Variants in RPL12 observed in about 807,000 individuals in gnomAD.
The protein encoded by RPL12 is large ribosomal subunit protein uL11.
In RPL12, 10 loss-of-function variants were observed where a neutral mutation model predicts 24.5. The observed-to-expected ratio is 0.41, with a 90% CI of 0.25 to 0.69. RPL12 has a LOEUF of 0.69. Ranked by LOEUF, RPL12 falls within the 30% of genes least tolerant of loss-of-function variation. The probability of loss-of-function intolerance (pLI) is 0.33; values close to 1 mark genes in which losing one functional copy is unlikely to be tolerated. For missense variants in RPL12, 137 were observed against 205.3 expected (o/e 0.67, Z 2.03); for synonymous variants, 74 against 76.1 (o/e 0.97, Z 0.14).
Position 127,449,365 on chromosome 9 carries a change from G to T in RPL12, c.211-3C>A, listed in dbSNP as rs1183950151. On this transcript the variant is annotated splice_region_variant and splice_polypyrimidine_tract_variant and intron_variant, in intron 3 of 6. Coordinates refer to ENST00000361436, the MANE Select transcript of RPL12 (RefSeq NM_000976.4). ...GAGGCAGAAGGCACCACCTCAATCT[G>T]CAGAAGAGATTCCTGAGTGAATACT... is the stretch of plus-strand genomic sequence containing the variant. 6.2e-7 allele frequency: 1 copy of T among 1,607,022 alleles called. No homozygotes were observed. Among genetic ancestry groups the T allele is most frequent in the Admixed American group, 1.7e-5 (1 of 59,984 alleles).
chr9:127,451,213 G>C, intron 1 of RPL12, 68 bp downstream of exon 1: 4 of 1,590,896 alleles, frequency 2.5e-6, no homozygotes, highest in Non-Finnish European at 3.4e-6. Context: ...TACGGGGAAA[G>C]CTTTGCACGC....
intron 2 of RPL12, chr9:127,450,406 G>A: frequency 3.6e-6 from 1 of 274,006 alleles, no homozygotes; most frequent in Non-Finnish European, 6.9e-6. Context: ...ACAACGCCAT[G>A]CCCACTTCCT....
intron 2 of RPL12, chr9:127,450,453 TA>T: frequency 2.4e-6 from 1 of 417,094 alleles, no homozygotes; most frequent in Non-Finnish European, 4.3e-6. Flanking sequence ...CCAATGTCTC[TA>T]AGCCAGTCCT....
intron 1 of RPL12, 22 bp downstream of exon 1, chr9:127,451,259 C>A (rs1415369781): frequency 6.2e-7 from 1 of 1,611,578 alleles, no homozygotes; most frequent in South Asian, 1.1e-5. Flanking sequence ...CCCGCAGCCC[C>A]GGCCACAACC....
At chr9:127,448,071 T>G in intron 5 of RPL12, 82 bp from the exon 6 acceptor site, 1 of 1,472,312 alleles carries the variant, frequency 6.8e-7, no homozygotes, top group Non-Finnish European at 9.1e-7. Context: ...CTGAAGGGGT[T>G]CATAGCAGGC....
intron 2 of RPL12, 186 bp from the exon 3 acceptor site, chr9:127,449,894 C>A (rs1188054011): frequency 1.7e-6 from 1 of 598,908 alleles, no homozygotes; most frequent in African/African-American, 1.8e-5. Context: ...GAACTGTAAA[C>A]TGCAGACTTG....
Position 127,449,290 on chromosome 9 carries a change from GT to G in RPL12, c.282del (p.Lys94AsnfsTer28). On this transcript the variant is annotated frameshift_variant, in exon 4 of 7. Coordinates refer to ENST00000361436, the MANE Select transcript of RPL12 (RefSeq NM_000976.4). LOFTEE classifies it high-confidence loss of function. ...ALKEPPRDRK[K>X]QKNIKHSGNI... ...GGAAAAGACAACTTACTGTTTTTCT[GT>G]TTCTTTCTGTCTCTTGGTGGTTCCT... 1 of 1,612,464 alleles carries G rather than the reference GT, an allele frequency of 6.2e-7. No homozygotes were observed. The highest frequency in any genetic ancestry group is 8.5e-7 in the Non-Finnish European group (1 of 1,179,736).
In RPL12 at chr9:127,451,262, C is replaced by A. The variant is rs374063879; in HGVS notation, c.37+19G>T. 6.2e-7 allele frequency: 1 copy of A among 1,612,242 alleles called. No homozygotes were observed. The highest frequency in any genetic ancestry group is 8.5e-7 in the Non-Finnish European group (1 of 1,179,202). On this transcript the variant is annotated intron_variant, in intron 1 of 6. Coordinates refer to ENST00000361436, the MANE Select transcript of RPL12 (RefSeq NM_000976.4). ...GGGATGCTCCATCCCGCAGCCCCGG[C>A]CACAACCAGAGCACGCACCGACTTT...
chr9:127,448,603 C>T (rs771025129), intron 4 of RPL12, 180 bp from the exon 5 acceptor site: 1 of 758,986 alleles, frequency 1.3e-6, no homozygotes, highest in Non-Finnish European at 2.4e-6. Context: ...CACCAGCCAA[C>T]AGAGACCTGG....
At chr9:127,448,019 G>C (rs755547268) in intron 5 of RPL12, 30 bp from the exon 6 acceptor site, 3 of 1,582,752 alleles carry the variant, frequency 1.9e-6, no homozygotes, top group Non-Finnish European at 1.7e-6. Context: ...GGCATTGGAG[G>C]TGCTGGCTCA....
chr9:127,448,679 G>GT (rs1834216373), intron 4 of RPL12: 2 of 696,216 alleles, frequency 2.9e-6, no homozygotes, highest in Non-Finnish European at 5.3e-6. Context: ...GGCAGAAACT[G>GT]TTTTAGAGAA....
chr9:127,450,964 G>A (rs1588085764), intron 1 of RPL12, 160 bp from the exon 2 acceptor site: 1 of 667,354 alleles, frequency 1.5e-6, no homozygotes, highest in Non-Finnish European at 2.6e-6. Flanking sequence ...GGGCAGCTCC[G>A]AAACTCACAC....
At chr9:127,449,398 C>T (rs1834228576) in intron 3 of RPL12, 36 bp from the exon 4 acceptor site, 2 of 1,566,100 alleles carry the variant, frequency 1.3e-6, no homozygotes, top group Non-Finnish European at 1.7e-6. Flanking sequence ...ACTCCACCTC[C>T]AGTGAATACT....
At chr9:127,448,832 C>CTTTT (rs368058964) in intron 4 of RPL12, among the ~76,000 whole-genome samples, 1 of 143,696 alleles carries the variant, frequency 7.0e-6, no homozygotes, top group Admixed American at 6.9e-5. Context: ...CTACATGGCA[C>CTTTT]TTTTTTTTTT....
chr9:127,448,912 A>G lies in RPL12; in HGVS notation c.292+369T>C, dbSNP rs547214224. On this transcript the variant is annotated intron_variant, in intron 4 of 6. Transcript: ENST00000361436. Reference sequence around the variant, plus strand: ...GGCACAATCTTGGCTCACTGCTACAACCTCCACCTCCTGGGTTCGAGTGAT... The same window carrying G: ...GGCACAATCTTGGCTCACTGCTACAGCCTCCACCTCCTGGGTTCGAGTGAT... Among the ~76,000 whole-genome samples, 5 of 151,770 alleles carry G rather than the reference A, an allele frequency of 3.3e-5. No individual in the cohort carries two copies. In the South Asian group the frequency reaches 1.0e-3, roughly 32 times the overall value.
Position 127,449,616 on chromosome 9 carries a change from C to T in RPL12, c.204G>A (p.Gln68=), listed in dbSNP as rs778245007. ...ACCAAGCACAAGCAAATACCTGGGC[C>T]TGTCTGTTCTGAATGGTCAGTTTCA... is the stretch of plus-strand genomic sequence containing the variant. ...ITVKLTIQNR[Q]AQIEVVPSAS... is the part of the protein sequence containing the mutation. Residue 68 remains glutamine, a synonymous_variant, in exon 3 of 7, where the codon CAG becomes CAA. Coordinates refer to ENST00000361436, the MANE Select transcript of RPL12 (RefSeq NM_000976.4). 6 of 1,613,886 alleles carry T rather than the reference C, an allele frequency of 3.7e-6. No homozygotes were observed. In the Admixed American group the frequency reaches 5.0e-5, roughly 13 times the overall value.
chr9:127,450,158 A>G (rs75945869), intron 2 of RPL12: 3,410 of 183,766 alleles, frequency 0.019, 149 homozygotes, highest in African/African-American at 0.076. Context: ...AAGAATAGTT[A>G]AGATACAGGT....
At chr9:127,448,021 G>A in intron 5 of RPL12, 32 bp from the exon 6 acceptor site, 1 of 1,580,648 alleles carries the variant, frequency 6.3e-7, no homozygotes, top group Admixed American at 1.8e-5. Flanking sequence ...CATTGGAGGT[G>A]CTGGCTCAGT....
chr9:127,450,462 C>G (rs1011211229), intron 2 of RPL12: 1 of 435,166 alleles, frequency 2.3e-6, no homozygotes, highest in Non-Finnish European at 4.1e-6. Flanking sequence ...CTAAGCCAGT[C>G]CTAACTTCAA....
Sources: allele counts gnomAD v4.1 joint callset (sites outside exome capture counted in the v4.1 genomes callset), GRCh38; gene constraint gnomAD v4.1.1; transcripts MANE v1.5; gene names NCBI Gene and HGNC (gene_info 2026-07-23, HGNC 2026-07-21).